DGKK: variants seen among roughly 807,000 people sequenced by gnomAD.
DGKK encodes the protein 142 kDa diacylglycerol kinase.
In DGKK, 35 loss-of-function variants were observed where a neutral mutation model predicts 92.2. The ratio of observed to expected loss-of-function variants is 0.38; its 90% confidence interval spans 0.29 to 0.50. DGKK has a LOEUF of 0.50. DGKK is among the 20% of genes least tolerant of loss of function. The probability of loss-of-function intolerance (pLI) is 0.92; values close to 1 mark genes in which losing one functional copy is unlikely to be tolerated. For missense variants in DGKK, 910 were observed against 992.2 expected, an observed-to-expected ratio of 0.92 and a Z score of 1.11; for synonymous variants, 368 against 360.6, an observed-to-expected ratio of 1.02 and a Z score of -0.23.
At position 50,424,342 on chromosome X, in the gene DGKK, C is replaced by T. The variant is rs1478308629; in HGVS notation, c.662G>A (p.Gly221Glu). 8.3e-7 allele frequency: 1 copy of T among 1,209,052 alleles called. No homozygotes were observed. The part of the protein sequence containing the change: ...WSRIKKILKE[G>E]PMLKNCNSFK... ...AGAGTTACAGTTCTTCAGCATAGGT[C>T]CTTCCTTCAATATTTTCTGAAAGAT... The change falls in exon 2 of 28, where the codon GGA becomes GAA. Residue 221 changes from glycine to glutamate, a missense_variant. Physicochemically the swap from Gly to Glu is moderately conservative, Grantham distance 98. Transcript: ENST00000611977.
intron 11 of DGKK, among the ~76,000 whole-genome samples, chrX:50,390,830 A>G (rs782564064): frequency 8.9e-6 from 1 of 111,978 alleles, no homozygotes; most frequent in South Asian, 3.8e-4. Flanking sequence ...TCCTATATAC[A>G]CCAGCATAGA....
At chrX:50,378,417 C>A (rs1924326261) in intron 21 of DGKK, among the ~76,000 whole-genome samples, 161 bp downstream of exon 21, 1 of 111,716 alleles carries the variant, frequency 9.0e-6, no homozygotes, top group African/African-American at 3.3e-5. Context: ...GCTTCTGCCA[C>A]CTCTGCCTCC....
At chrX:50,399,475 C>G (rs1924939490) in intron 8 of DGKK, among the ~76,000 whole-genome samples, 1 of 111,994 alleles carries the variant, frequency 8.9e-6, no homozygotes, top group African/African-American at 3.2e-5. Flanking sequence ...ATTTTTAAGT[C>G]AGTGAAACGA....
chrX:50,469,708 C>G (rs782091643), intron 1 of DGKK, among the ~76,000 whole-genome samples: 84 of 113,061 alleles, frequency 7.4e-4, no homozygotes, highest in African/African-American at 2.4e-3. Flanking sequence ...TTGCGCTCCC[C>G]GAGGGTATCT....
chrX:50,466,868 T>C (rs1013531315), intron 1 of DGKK, among the ~76,000 whole-genome samples: 16 of 111,868 alleles, frequency 1.4e-4, no homozygotes, highest in African/African-American at 5.2e-4. Context: ...TGTCCTGATA[T>C]GGTTTGAGGA....
intron 1 of DGKK, among the ~76,000 whole-genome samples, chrX:50,466,775 T>C (rs1408927141): frequency 8.9e-6 from 1 of 111,802 alleles, no homozygotes; most frequent in Non-Finnish European, 1.9e-5. Flanking sequence ...AAAATATTGA[T>C]AGGAATCACC....
intron 18 of DGKK, among the ~76,000 whole-genome samples, chrX:50,380,948 C>T (rs1392842711): frequency 2.7e-5 from 3 of 111,516 alleles, no homozygotes; most frequent in Non-Finnish European, 5.7e-5. Context: ...ATACCTAGAA[C>T]AAACCAATTC....
intron 27 of DGKK, among the ~76,000 whole-genome samples, chrX:50,369,245 C>G (rs144639059): frequency 0.02 from 2,232 of 110,513 alleles, 48 homozygotes; most frequent in African/African-American, 0.071. Context: ...CTGATATTGA[C>G]TCTGTCAGAG....
In DGKK at chrX:50,369,115, A is replaced by AAGAT. The variant is rs1308328343; in HGVS notation, c.3737-100_3737-97dup. 7 of 626,834 alleles carry AAGAT rather than the reference A, an allele frequency of 1.1e-5. No individual in the cohort carries two copies. In the East Asian group the frequency reaches 2.5e-4, roughly 22 times the overall value. 51.7% of individuals were successfully genotyped at this position (626,834 alleles called of 1,213,427 possible). ...CAAAAGAGAGCAAAAAGTCTGTTAG[A>AAGAT]AGATAGACTGGTTTGTTCCTATTGT... On this transcript the variant is annotated intron_variant, in intron 27 of 27. Coordinates refer to ENST00000611977, the MANE Select transcript of DGKK (RefSeq NM_001013742.4).
intron 1 of DGKK, among the ~76,000 whole-genome samples, chrX:50,436,921 C>T (rs1926043238): frequency 9.0e-6 from 1 of 111,196 alleles, no homozygotes; most frequent in South Asian, 3.8e-4. Flanking sequence ...TTTTACCTTT[C>T]CTGTTATCCT....
chrX:50,420,603 A>G, intron 3 of DGKK, 96 bp from the exon 4 acceptor site: 1 of 733,258 alleles, frequency 1.4e-6, no homozygotes, highest in Non-Finnish European at 2.1e-6. Context: ...CAGATGTACC[A>G]AGCACAACAT....
intron 7 of DGKK, among the ~76,000 whole-genome samples, chrX:50,401,962 C>T (rs993623711): frequency 9.0e-6 from 1 of 111,306 alleles, no homozygotes; most frequent in Non-Finnish European, 1.9e-5. Context: ...AGCAGAATAC[C>T]AGGCCTCTAC....
At position 50,403,596 on chromosome X, in the gene DGKK, C is replaced by T; in HGVS notation, c.1080G>A (p.Val360=). 1 of 1,195,426 alleles carries T rather than the reference C, an allele frequency of 8.4e-7. No homozygotes were observed. Among genetic ancestry groups the T allele is most frequent in the Non-Finnish European group, 1.1e-6 (1 of 881,805 alleles). ...ALSRDAIICE[V]CKVKSHRLCA... ...ACAATCTGTGAGATTTCACTTTGCA[C>T]ACTGTGAGAAGAGGAAGAGAAAAGA... is the stretch of plus-strand genomic sequence containing the variant. The change falls in exon 6 of 28, where the codon GTG becomes GTA. Residue 360 remains valine, a splice_region_variant and synonymous_variant. Transcript: ENST00000611977.
Position 50,470,529 on chromosome X carries a change from C to G in DGKK, c.150G>C (p.Ser50=). ...PPAPPLLSEA[S]PEPIPEPCPE... ...GACAGGGCTCTGGTATGGGTTCTGG[C>G]GAAGCCTCGGAGAGCAGCGGCGGAG... Residue 50 remains serine, a synonymous_variant, in exon 1 of 28, where the codon TCG becomes TCC. Coordinates refer to ENST00000611977, the MANE Select transcript of DGKK (RefSeq NM_001013742.4). 1 of 1,210,926 alleles carries G rather than the reference C, an allele frequency of 8.3e-7. No individual in the cohort carries two copies.
At chrX:50,383,522 A>T (rs1924462093) in intron 17 of DGKK, among the ~76,000 whole-genome samples, 2 of 112,330 alleles carry the variant, frequency 1.8e-5, no homozygotes, top group Non-Finnish European at 3.8e-5. Flanking sequence ...AAATGGATAC[A>T]GTTTAGCTGT....
intron 1 of DGKK, among the ~76,000 whole-genome samples, chrX:50,454,701 A>G (rs782075728): frequency 1.8e-5 from 2 of 111,319 alleles, no homozygotes; most frequent in South Asian, 7.6e-4. Context: ...ATCTAAATTC[A>G]GTTGATCTCA....
intron 1 of DGKK, among the ~76,000 whole-genome samples, chrX:50,428,758 A>G (rs782720750): frequency 3.6e-5 from 4 of 111,259 alleles, no homozygotes; most frequent in African/African-American, 9.8e-5. Flanking sequence ...GAAAAGGTAA[A>G]GTACCTGTAG....
At chrX:50,386,643 C>A in intron 14 of DGKK, 57 bp from the exon 15 acceptor site, 1 of 1,018,367 alleles carries the variant, frequency 9.8e-7, no homozygotes. Flanking sequence ...CTTGAGAGGA[C>A]AGAATGAGGA....
At chrX:50,375,533 G>A (rs1467819271) in intron 24 of DGKK, among the ~76,000 whole-genome samples, 5 of 111,601 alleles carry the variant, frequency 4.5e-5, no homozygotes, top group Non-Finnish European at 7.5e-5. Flanking sequence ...TAGCACTAAA[G>A]TTACTTTTTA....
Sources: allele counts gnomAD v4.1 joint callset (sites outside exome capture counted in the v4.1 genomes callset), GRCh38; gene constraint gnomAD v4.1.1; transcripts MANE v1.5; gene names NCBI Gene and HGNC (gene_info 2026-07-23, HGNC 2026-07-21).